Variants in CALN1 observed in about 807,000 individuals in gnomAD.
CALN1 encodes the protein calcium-binding protein 8.
CALN1 carries 17 observed loss-of-function variants against 30.6 expected under a neutral mutation model. The ratio of observed to expected loss-of-function variants is 0.56; its 90% CI spans 0.38 to 0.83. The LOEUF (loss-of-function observed/expected upper bound fraction) is 0.83, where lower values mean the gene tolerates loss of function less well. Ranked by LOEUF, CALN1 falls within the 40% of genes least tolerant of loss-of-function variation. The pLI, the probability that CALN1 is intolerant of heterozygous loss-of-function variation, is 0.00. For missense variants in CALN1, 291 were observed against 354.9 expected (o/e 0.82, Z 1.45); for synonymous variants, 156 against 131.4 (o/e 1.19, Z -1.28).
At chr7:72,341,618 C>G (rs1250196599) in intron 2 of CALN1, among the ~76,000 whole-genome samples, 1 of 152,190 alleles carries the variant, frequency 6.6e-6, no homozygotes, top group Non-Finnish European at 1.5e-5. Context: ...TCCCACATAA[C>G]CAGAGTGGGA....
chr7:71,811,507 A>G (rs1198538830), intron 5 of CALN1, among the ~76,000 whole-genome samples: 1 of 152,050 alleles, frequency 6.6e-6, no homozygotes, highest in Non-Finnish European at 1.5e-5. Context: ...GTGCCTGGCC[A>G]TGAATCTTGT....
intron 1 of CALN1, among the ~76,000 whole-genome samples, chr7:72,444,792 TACAG>T (rs1432989488): frequency 6.6e-6 from 1 of 152,174 alleles, no homozygotes; most frequent in Non-Finnish European, 1.5e-5. Flanking sequence ...GCTACCATGT[TACAG>T]ACAGAGAAAC....
chr7:72,071,940 G>A (rs914170266), intron 4 of CALN1, among the ~76,000 whole-genome samples: 2 of 152,098 alleles, frequency 1.3e-5, no homozygotes, highest in Admixed American at 6.5e-5. Flanking sequence ...AAAAAGATCA[G>A]TGAACTTGAA....
chr7:72,168,112 T>C (rs945710446), intron 3 of CALN1, among the ~76,000 whole-genome samples: 5 of 152,196 alleles, frequency 3.3e-5, no homozygotes, highest in Non-Finnish European at 5.9e-5. Context: ...AGGGATACAG[T>C]GATGGCTTAT....
chr7:72,441,997 T>C lies in CALN1; in HGVS notation c.-226+5045A>G, dbSNP rs1229366726. ...CCGACTCCTGCTCTCCTCCCAAACCTGCTCCACCCACAGCTGTCCCCGTCT... is the reference window on the plus strand; with the variant it reads ...CCGACTCCTGCTCTCCTCCCAAACCCGCTCCACCCACAGCTGTCCCCGTCT... On this transcript the variant is annotated intron_variant, in intron 1 of 6. Coordinates refer to the CALN1 transcript ENST00000395276. Among the ~76,000 whole-genome samples, 4 of 152,018 alleles carry C rather than the reference T, an allele frequency of 2.6e-5. No homozygotes were observed. The East Asian group carries it at 7.7e-4, about 29-fold the overall frequency.
At chr7:72,161,655 G>C (rs1474551073) in intron 3 of CALN1, among the ~76,000 whole-genome samples, 1 of 152,062 alleles carries the variant, frequency 6.6e-6, no homozygotes, top group Non-Finnish European at 1.5e-5. Context: ...CAACTATTTT[G>C]AGCTAGAAAG....
At chr7:72,382,205 C>A (rs1804944608) in intron 2 of CALN1, among the ~76,000 whole-genome samples, 1 of 152,116 alleles carries the variant, frequency 6.6e-6, no homozygotes, top group Admixed American at 6.5e-5. Context: ...CAGCTGTGAC[C>A]CAGTAATGGC....
intron 5 of CALN1, among the ~76,000 whole-genome samples, chr7:71,840,493 A>T (rs1480325639): frequency 6.5e-5 from 5 of 76,502 alleles, no homozygotes; most frequent in Admixed American, 1.5e-4. Flanking sequence ...TTTAAAAAAA[A>T]AAAAAAAAAA....
intron 3 of CALN1, among the ~76,000 whole-genome samples, chr7:72,118,347 T>C (rs1808141072): frequency 6.6e-6 from 1 of 152,240 alleles, no homozygotes; most frequent in Admixed American, 6.5e-5. Context: ...GCTATCATAC[T>C]GAAAGCAGAG....
chr7:72,017,191 A>G (rs2129529747), intron 5 of CALN1, among the ~76,000 whole-genome samples: 1 of 141,668 alleles, frequency 7.1e-6, no homozygotes, highest in South Asian at 2.3e-4. Flanking sequence ...AAAAAAAAAA[A>G]GAGTCCAGGA....
At chr7:71,902,383 A>C (rs1430001687) in intron 5 of CALN1, among the ~76,000 whole-genome samples, 3 of 152,242 alleles carry the variant, frequency 2.0e-5, no homozygotes, top group Admixed American at 2.0e-4. Flanking sequence ...TACACCAGTC[A>C]GAGTAACTAT....
intron 5 of CALN1, among the ~76,000 whole-genome samples, chr7:71,920,328 TTC>T (rs375491191): frequency 2.1e-5 from 3 of 142,086 alleles, no homozygotes; most frequent in Non-Finnish European, 3.0e-5. Context: ...GACAAATTAG[TTC>T]TTTTTTTTTT....
At chr7:72,252,729 G>A (rs1413879901) in intron 3 of CALN1, among the ~76,000 whole-genome samples, 1 of 152,040 alleles carries the variant, frequency 6.6e-6, no homozygotes, top group African/African-American at 2.4e-5. Context: ...TATCTCGTCT[G>A]GATTATTACA....
the CALN1 span, among the ~76,000 whole-genome samples, chr7:72,483,109 T>C: frequency 6.6e-6 from 1 of 152,142 alleles, no homozygotes; most frequent in Non-Finnish European, 1.5e-5. Context: ...TGTTTATTTA[T>C]ATATAACATG....
At position 72,271,489 on chromosome 7, in the gene CALN1, C is replaced by T. The variant is rs777384052; in HGVS notation, c.244+7197G>A. On this transcript the variant is annotated intron_variant, in intron 3 of 6. Transcript: ENST00000395275. ...ATAGCTCACTGCAGCCTTGACTTCCCGGGCTCAAGCAATCCTCCCTCCTCG... is the reference window on the plus strand; with the variant it reads ...ATAGCTCACTGCAGCCTTGACTTCCTGGGCTCAAGCAATCCTCCCTCCTCG... 1.4e-4 allele frequency among the ~76,000 whole-genome samples: 20 copies of T among 147,996 alleles called. 1 individual carries two copies. The highest frequency in any genetic ancestry group is 6.1e-4 in the Admixed American group (9 of 14,762).
chr7:72,175,014 C>G (rs1472180803), intron 3 of CALN1, among the ~76,000 whole-genome samples: 1 of 151,444 alleles, frequency 6.6e-6, no homozygotes, highest in African/African-American at 2.4e-5. Context: ...AGTCAAAACT[C>G]AACAAATTGC....
intron 4 of CALN1, chr7:72,103,203 A>T (rs1806819061): frequency 6.3e-6 from 1 of 157,532 alleles, no homozygotes; most frequent in African/African-American, 2.4e-5. Context: ...ACCTGGCAGA[A>T]CCCCTACATA....
At chr7:72,299,043 G>A (rs1173437578) in intron 2 of CALN1, among the ~76,000 whole-genome samples, 1 of 151,972 alleles carries the variant, frequency 6.6e-6, no homozygotes, top group Non-Finnish European at 1.5e-5. Flanking sequence ...CCCTAACCAG[G>A]CACTTGTGTC....
chr7:72,455,983 G>A, the CALN1 span, among the ~76,000 whole-genome samples: 4 of 151,730 alleles, frequency 2.6e-5, no homozygotes, highest in African/African-American at 4.8e-5. Flanking sequence ...TCAAGAGATC[G>A]AGACCATCCT....
Sources: allele counts gnomAD v4.1 joint callset (sites outside exome capture counted in the v4.1 genomes callset), GRCh38; gene constraint gnomAD v4.1.1; transcripts MANE v1.5; gene names NCBI Gene and HGNC (gene_info 2026-07-23, HGNC 2026-07-21).